RAB3C: variants seen among roughly 807,000 people sequenced by gnomAD.
RAB3C encodes ras-related protein Rab-3C.
A neutral mutation model predicts 26.4 loss-of-function variants in RAB3C; 17 were observed. That is an observed-to-expected ratio of 0.64 (90% confidence interval 0.44 to 0.97). RAB3C has a LOEUF of 0.97. Ranked by LOEUF, RAB3C falls within the 50% of genes least tolerant of loss-of-function variation. RAB3C has a pLI of 0.00. For missense variants in RAB3C, 242 were observed against 281.9 expected, an observed-to-expected ratio of 0.86 and a Z score of 1.01; for synonymous variants, 91 against 95.9, an observed-to-expected ratio of 0.95 and a Z score of 0.30.
intron 3 of RAB3C, among the ~76,000 whole-genome samples, chr5:58,800,393 A>G (rs1742777971): frequency 1.3e-5 from 2 of 152,300 alleles, no homozygotes; most frequent in South Asian, 2.1e-4. Flanking sequence ...GTCATTAGCA[A>G]TTTTGTTCTT....
chr5:58,845,798 A>G (rs1743986526), intron 4 of RAB3C, among the ~76,000 whole-genome samples: 1 of 151,652 alleles, frequency 6.6e-6, no homozygotes, highest in Non-Finnish European at 1.5e-5. Flanking sequence ...CATCACAGTC[A>G]ATTTTGGAAT....
At chr5:58,683,632 G>C (rs1356346025) in intron 2 of RAB3C, among the ~76,000 whole-genome samples, 7 of 152,128 alleles carry the variant, frequency 4.6e-5, no homozygotes, top group Admixed American at 4.6e-4. Context: ...GGTTAAAAAA[G>C]TGTAAATGGA....
chr5:58,760,575 C>T (rs902312250), intron 3 of RAB3C, among the ~76,000 whole-genome samples: 2 of 152,150 alleles, frequency 1.3e-5, no homozygotes, highest in African/African-American at 4.8e-5. Context: ...AAATCAAGTG[C>T]CAATTCATGT....
intron 4 of RAB3C, among the ~76,000 whole-genome samples, chr5:58,832,114 G>A (rs956490881): frequency 2.6e-5 from 4 of 152,182 alleles, no homozygotes; most frequent in South Asian, 2.1e-4. Context: ...GTGCTGCCCG[G>A]CCACAGGGAG....
At position 58,856,178 on chromosome 5, in the gene RAB3C, C is replaced by T. The variant is rs1266298713; in HGVS notation, c.*4827C>T. 6.6e-6 allele frequency: 1 copy of T among 152,008 alleles called. No individual in the cohort carries two copies. Among genetic ancestry groups the T allele is most frequent in the African/African-American group, 2.4e-5 (1 of 41,376 alleles). 9.4% of individuals were successfully genotyped at this position (152,008 alleles called of 1,614,324 possible). On this transcript the variant is annotated 3_prime_UTR_variant, in exon 5 of 5. Transcript: ENST00000282878. ...TTTACTATGTTCCAGCTATAACTCA[C>T]ATCTTACTTATAAGGTCCATAAAAT...
At chr5:58,785,399 T>C (rs958343236) in intron 3 of RAB3C, among the ~76,000 whole-genome samples, 1 of 152,216 alleles carries the variant, frequency 6.6e-6, no homozygotes, top group African/African-American at 2.4e-5. Flanking sequence ...ATTTAACCTC[T>C]CTGAGCCTAT....
chr5:58,832,391 G>A (rs1260367186), intron 4 of RAB3C, among the ~76,000 whole-genome samples: 1 of 152,078 alleles, frequency 6.6e-6, no homozygotes. Flanking sequence ...ATTTCTTTTG[G>A]GGGGCAGGAG....
At position 58,854,141 on chromosome 5, in the gene RAB3C, C is replaced by A. The variant is rs576850111; in HGVS notation, c.*2790C>A. ...CAGGTCATTTTTATCAATGGCCTAA[C>A]TAAATTTATATTTAAAAGAACAAGA... is the stretch of plus-strand genomic sequence containing the variant. On this transcript the variant is annotated 3_prime_UTR_variant, in exon 5 of 5. Transcript: ENST00000282878. 1.4e-4 allele frequency: 21 copies of A among 151,520 alleles called. No homozygotes were observed. The highest frequency in any genetic ancestry group is 3.4e-3 in the Middle Eastern group (1 of 294). 9.4% of individuals were successfully genotyped at this position (151,520 alleles called of 1,614,324 possible).
intron 4 of RAB3C, among the ~76,000 whole-genome samples, chr5:58,834,502 A>C (rs1057405524): frequency 2.0e-5 from 3 of 152,222 alleles, no homozygotes. Context: ...ACCTGTTCCA[A>C]ATATGCATTA....
At chr5:58,611,315 CA>C (rs1202610107) in intron 1 of RAB3C, among the ~76,000 whole-genome samples, 2 of 143,610 alleles carry the variant, frequency 1.4e-5, no homozygotes, top group African/African-American at 5.0e-5. Flanking sequence ...CACTGTCTTC[CA>C]CAATGGTTGA....
intron 1 of RAB3C, among the ~76,000 whole-genome samples, chr5:58,616,296 T>C (rs1409264763): frequency 2.0e-5 from 3 of 152,188 alleles, no homozygotes; most frequent in African/African-American, 7.2e-5. Context: ...GCTAGTAGGA[T>C]TGAGGAACTG....
intron 2 of RAB3C, among the ~76,000 whole-genome samples, chr5:58,623,810 A>G (rs188100830): frequency 2.5e-4 from 38 of 152,300 alleles, no homozygotes; most frequent in Admixed American, 3.9e-4. Flanking sequence ...GCCAAGGGGT[A>G]GAGTGGCCTA....
intron 3 of RAB3C, among the ~76,000 whole-genome samples, chr5:58,766,374 C>A (rs149163186): frequency 4.6e-5 from 7 of 152,132 alleles, no homozygotes. Context: ...CCTCGGCCCC[C>A]CAAAGTGCTG....
chr5:58,775,953 T>A (rs891747823), intron 3 of RAB3C, among the ~76,000 whole-genome samples: 1 of 152,110 alleles, frequency 6.6e-6, no homozygotes, highest in Non-Finnish European at 1.5e-5. Context: ...CTTTTTGAGT[T>A]CCTGTTGCCT....
intron 3 of RAB3C, among the ~76,000 whole-genome samples, chr5:58,796,984 T>TACACACACACACACACAC (rs368267920): frequency 2.0e-4 from 30 of 148,874 alleles, no homozygotes; most frequent in African/African-American, 6.7e-4. Flanking sequence ...TCTGACCCAC[T>TACACACACACACACACAC]ACACACACAC....
intron 3 of RAB3C, among the ~76,000 whole-genome samples, chr5:58,807,540 G>T (rs1480974505): frequency 6.6e-6 from 1 of 152,172 alleles, no homozygotes; most frequent in Non-Finnish European, 1.5e-5. Flanking sequence ...CAAGGTGCCT[G>T]CTGAGTGAGT....
At chr5:58,838,620 A>G (rs1324599678) in intron 4 of RAB3C, among the ~76,000 whole-genome samples, 2 of 146,316 alleles carry the variant, frequency 1.4e-5, no homozygotes, top group African/African-American at 5.2e-5. Context: ...TATATGGTCA[A>G]TCCTGGAGAA....
In RAB3C at chr5:58,827,738, C is replaced by T. The variant is rs969343460; in HGVS notation, c.496+2576C>T. Among the ~76,000 whole-genome samples the T allele has an allele frequency of 7.9e-5, 12 of 152,332 alleles. No homozygotes were observed. In the South Asian group the frequency reaches 1.4e-3, roughly 18 times the overall value. ...TCATAGCAACCAACACATGTGCATT[C>T]TTGGAGAGTCATTTACCTCGTTTAA... is the stretch of plus-strand genomic sequence containing the variant. On this transcript the variant is annotated intron_variant, in intron 4 of 4. Transcript: ENST00000282878.
intron 2 of RAB3C, among the ~76,000 whole-genome samples, chr5:58,679,687 G>T (rs563128032): frequency 6.6e-6 from 1 of 152,156 alleles, no homozygotes; most frequent in South Asian, 2.1e-4. Context: ...ATATATCTTT[G>T]CTGTATTTGA....
Sources: allele counts gnomAD v4.1 joint callset (sites outside exome capture counted in the v4.1 genomes callset), GRCh38; gene constraint gnomAD v4.1.1; transcripts MANE v1.5; gene names NCBI Gene and HGNC (gene_info 2026-07-23, HGNC 2026-07-21).